COX10: variants seen among roughly 807,000 people sequenced by gnomAD.
COX10 encodes cytochrome c oxidase assembly factor heme A:farnesyltransferase COX10.
Under a neutral mutation model 37.3 loss-of-function variants are expected in COX10, and 27 were observed. The ratio of observed to expected loss-of-function variants is 0.72; its 90% confidence interval spans 0.53 to 1.00. The LOEUF is 1.00. COX10 is among the 50% of genes least tolerant of loss of function. The probability of loss-of-function intolerance (pLI) is 0.00; values close to 1 mark genes in which losing one functional copy is unlikely to be tolerated. For synonymous variants in COX10, 222 were observed against 229.1 expected, an observed-to-expected ratio of 0.97 and a Z score of 0.28; for missense variants, 475 against 563.2, an observed-to-expected ratio of 0.84 and a Z score of 1.59.
At chr17:14,142,419 A>G (rs967792757) in intron 4 of COX10, among the ~76,000 whole-genome samples, 5 of 152,238 alleles carry the variant, frequency 3.3e-5, no homozygotes, top group African/African-American at 1.2e-4. Context: ...AATGCCATTT[A>G]TCTAAAGCTG....
intron 3 of COX10, among the ~76,000 whole-genome samples, chr17:14,096,835 A>T (rs1915664506): frequency 6.6e-6 from 1 of 152,102 alleles, no homozygotes; most frequent in African/African-American, 2.4e-5. Flanking sequence ...GAGGGCTGCT[A>T]CTGGATCTCT....
intron 3 of COX10, among the ~76,000 whole-genome samples, chr17:14,090,644 C>G (rs1002262450): frequency 1.3e-5 from 2 of 152,122 alleles, no homozygotes; most frequent in Non-Finnish European, 2.9e-5. Flanking sequence ...TTTCTGTTCT[C>G]TCTGTCTCAA....
chr17:14,078,194 T>G (rs1915199885), intron 3 of COX10, among the ~76,000 whole-genome samples: 1 of 152,114 alleles, frequency 6.6e-6, no homozygotes, highest in South Asian at 2.1e-4. Context: ...AATCAGCATG[T>G]TTCTAAAGAA....
intron 4 of COX10, among the ~76,000 whole-genome samples, chr17:14,133,291 G>C (rs367568500): frequency 2.0e-5 from 3 of 151,596 alleles, no homozygotes; most frequent in East Asian, 3.9e-4. Context: ...AATAAAGGAA[G>C]CTTTGAGAGA....
At position 14,207,246 on chromosome 17, in the gene COX10, C is replaced by T. The variant is rs887469940; in HGVS notation, c.*33C>T. 79 of 1,529,944 alleles carry T rather than the reference C, an allele frequency of 5.2e-5. No individual in the cohort carries two copies. The highest frequency in any genetic ancestry group is 6.3e-5 in the Non-Finnish European group (72 of 1,142,504). 94.8% of individuals were successfully genotyped at this position (1,529,944 alleles called of 1,614,324 possible). A position where few individuals can be genotyped will look rare whatever the true frequency, so the allele number is the denominator to read the frequency against. Reference sequence around the variant, plus strand: ...GGGACGCCCACCGCCCCTTTCCCTCCGCTGCCAGGCGAGCATGTTGTGGTA... The same window carrying T: ...GGGACGCCCACCGCCCCTTTCCCTCTGCTGCCAGGCGAGCATGTTGTGGTA... On this transcript the variant is annotated 3_prime_UTR_variant, in exon 7 of 7. Coordinates refer to ENST00000261643, the MANE Select transcript of COX10 (RefSeq NM_001303.4).
chr17:14,184,510 A>G (rs1282816501), intron 5 of COX10, among the ~76,000 whole-genome samples: 2 of 152,238 alleles, frequency 1.3e-5, no homozygotes, highest in African/African-American at 4.8e-5. Flanking sequence ...CCCAGAATCA[A>G]CAACTATCAA....
intron 6 of COX10, among the ~76,000 whole-genome samples, chr17:14,206,411 A>G (rs545200632): frequency 1.3e-5 from 2 of 152,222 alleles, no homozygotes; most frequent in South Asian, 2.1e-4. Flanking sequence ...TGAATTCCCT[A>G]CAAGTGTTTG....
chr17:14,101,141 A>G (rs1597500894), intron 3 of COX10, among the ~76,000 whole-genome samples: 1 of 152,182 alleles, frequency 6.6e-6, no homozygotes, highest in East Asian at 1.9e-4. Context: ...TGAACGGGAT[A>G]TAGCGAGTGA....
rs990999113 is a variant in COX10, at chr17:14,102,245, C to T, written c.624+3C>T. 1 of 1,613,586 alleles carries T rather than the reference C, an allele frequency of 6.2e-7. No individual in the cohort carries two copies. Among genetic ancestry groups the T allele is most frequent in the Admixed American group, 1.7e-5 (1 of 59,986 alleles). ...GTGCTGCCAACTCCATCAATCAGGT[C>T]AGTTTCTCACTTTCATCTAAATTAT... On this transcript the variant is annotated splice_donor_region_variant and intron_variant, in intron 4 of 6. Coordinates refer to ENST00000261643, the MANE Select transcript of COX10 (RefSeq NM_001303.4).
At chr17:14,127,927 A>ATGTGTGTGTG (rs67774468) in intron 4 of COX10, among the ~76,000 whole-genome samples, 24 of 143,702 alleles carry the variant, frequency 1.7e-4, no homozygotes, top group African/African-American at 3.4e-4. Flanking sequence ...GAGTGTGTGT[A>ATGTGTGTGTG]TGTGTGTGTG....
intron 5 of COX10, among the ~76,000 whole-genome samples, chr17:14,170,861 T>G (rs1030682827): frequency 6.6e-6 from 1 of 152,244 alleles, no homozygotes; most frequent in East Asian, 1.9e-4. Flanking sequence ...AACATTATTA[T>G]GGATATAATA....
chr17:14,098,161 T>C (rs528201941), intron 3 of COX10, among the ~76,000 whole-genome samples: 1 of 152,282 alleles, frequency 6.6e-6, no homozygotes, highest in South Asian at 2.1e-4. Flanking sequence ...TACAGTTGTT[T>C]ATGAGTAGTA....
At chr17:14,103,966 C>T (rs1348020905) in intron 4 of COX10, among the ~76,000 whole-genome samples, 2 of 152,062 alleles carry the variant, frequency 1.3e-5, no homozygotes, top group Non-Finnish European at 2.9e-5. Context: ...TGCCTCTTTC[C>T]TCCTTAGGCT....
intron 5 of COX10, among the ~76,000 whole-genome samples, chr17:14,186,339 T>C (rs1443796513): frequency 6.6e-6 from 1 of 152,026 alleles, no homozygotes; most frequent in Non-Finnish European, 1.5e-5. Context: ...TCCAGATATG[T>C]GGAACATAAA....
At chr17:14,175,616 C>T (rs1905662858) in intron 5 of COX10, among the ~76,000 whole-genome samples, 1 of 152,056 alleles carries the variant, frequency 6.6e-6, no homozygotes, top group African/African-American at 2.4e-5. Context: ...ATATGACCAG[C>T]ATGACCTGAT....
chr17:14,120,543 C>A (rs1005473065), intron 4 of COX10, among the ~76,000 whole-genome samples: 4 of 152,028 alleles, frequency 2.6e-5, no homozygotes, highest in African/African-American at 7.2e-5. Context: ...TGGAAGAGTC[C>A]ATTGGATATA....
At chr17:14,176,348 C>T (rs1905687762) in intron 5 of COX10, among the ~76,000 whole-genome samples, 3 of 152,166 alleles carry the variant, frequency 2.0e-5, no homozygotes, top group Admixed American at 6.5e-5. Context: ...CCTGTTCAGT[C>T]AAATCCTCAC....
At position 14,132,485 on chromosome 17, in the gene COX10, C is replaced by G. The variant is rs73979164; in HGVS notation, c.625-27392C>G. Among the ~76,000 whole-genome samples the G allele has an allele frequency of 4.6e-3, 701 of 151,808 alleles. 11 individuals are homozygous for G. Among genetic ancestry groups the G allele is most frequent in the African/African-American group, 0.015 (625 of 41,478 alleles). On this transcript the variant is annotated intron_variant, in intron 4 of 6. Coordinates refer to ENST00000261643, the MANE Select transcript of COX10 (RefSeq NM_001303.4). ...TTATATCACTTTGCATTTATAAGCC[C>G]TTTACCGAATGGTGGTGGCTGTGTG...
chr17:14,201,243 T>G (rs2142269059), intron 6 of COX10, among the ~76,000 whole-genome samples: 1 of 152,360 alleles, frequency 6.6e-6, no homozygotes, highest in South Asian at 2.1e-4. Context: ...CGGCACTAAT[T>G]CAAGTCTTCC....
Sources: allele counts gnomAD v4.1 joint callset (sites outside exome capture counted in the v4.1 genomes callset), GRCh38; gene constraint gnomAD v4.1.1; transcripts MANE v1.5; gene names NCBI Gene and HGNC (gene_info 2026-07-23, HGNC 2026-07-21).